The following BPIFB2 variants were observed in gnomAD, a reference collection of about 807,000 sequenced individuals.
BPIFB2 encodes BPI fold-containing family B member 2.
In BPIFB2, 39 loss-of-function variants were observed where a neutral mutation model predicts 50.1. The observed-to-expected ratio is 0.78, with a 90% CI of 0.60 to 1.02. The LOEUF (loss-of-function observed/expected upper bound fraction) is 1.02. BPIFB2 is among the 50% of genes least tolerant of loss of function. The pLI is 0.00. For missense variants in BPIFB2, 574 were observed against 585.8 expected (o/e 0.98, Z 0.21); for synonymous variants, 280 against 256.3 (o/e 1.09, Z -0.88).
chr20:33,011,321 A>C (rs1990285195), intron 3 of BPIFB2, among the ~76,000 whole-genome samples: 1 of 152,222 alleles, frequency 6.6e-6, no homozygotes, highest in South Asian at 2.1e-4. Flanking sequence ...AGTGGTCACA[A>C]GATGATTTAA....
chr20:33,013,515 C>G (rs909537737), intron 4 of BPIFB2, among the ~76,000 whole-genome samples: 2 of 152,204 alleles, frequency 1.3e-5, no homozygotes, highest in South Asian at 4.1e-4. Flanking sequence ...GTCCATTTTA[C>G]AGAAGAGGAA....
At chr20:33,011,192 C>A in intron 3 of BPIFB2, 75 bp downstream of exon 3, 1 of 1,408,100 alleles carries the variant, frequency 7.1e-7, no homozygotes, top group South Asian at 1.2e-5. Flanking sequence ...GTGGGTGCTT[C>A]AGTCCACCGG....
intron 4 of BPIFB2, among the ~76,000 whole-genome samples, chr20:33,013,116 CAG>C (rs1568976737): frequency 1.3e-5 from 2 of 152,104 alleles, no homozygotes; most frequent in African/African-American, 4.8e-5. Flanking sequence ...TGCAACTGGG[CAG>C]AGTCACTTGG....
rs1223650010 is a variant in BPIFB2 at position 33,012,856 on chromosome 20, G to A, written c.257G>A (p.Gly86Asp). The stretch of plus-strand genomic sequence containing the variant: ...CGCCTCCACCTGAAATTCATTGCTG[G>A]TTTCGGAGTGCGCCTGCTGGCAGCA... ...VPRLHLKFIA[G>D]FGVRLLAAAN... Residue 86 changes from glycine (G) to aspartate (D), a missense_variant, in exon 4 of 16, where the codon GGT becomes GAT. By Grantham distance (94) the Gly-to-Asp change is moderately conservative. Transcript: ENST00000170150. 1.9e-6 allele frequency: 3 copies of A among 1,614,128 alleles called. No individual in the cohort carries two copies. In the Admixed American group the frequency reaches 5.0e-5, roughly 27 times the overall value.
At chr20:33,014,963 T>A (rs1302256061) in intron 5 of BPIFB2, among the ~76,000 whole-genome samples, 2 of 152,008 alleles carry the variant, frequency 1.3e-5, no homozygotes, top group African/African-American at 4.8e-5. Flanking sequence ...ATCAAGGAAC[T>A]ATAGGTGCCT....
chr20:33,020,109 C>T (rs376967142), intron 11 of BPIFB2, among the ~76,000 whole-genome samples: 3 of 152,240 alleles, frequency 2.0e-5, no homozygotes, highest in East Asian at 1.9e-4. Flanking sequence ...TGGTTACGGT[C>T]CCCCTCTCCC....
intron 2 of BPIFB2, 32 bp downstream of exon 2, chr20:33,008,715 G>A (rs1354129954): frequency 4.5e-6 from 7 of 1,541,540 alleles, no homozygotes; most frequent in Non-Finnish European, 5.3e-6. Flanking sequence ...GAGTGTCTGT[G>A]AGCCTGTACA....
intron 5 of BPIFB2, 126 bp from the exon 6 acceptor site, chr20:33,015,310 T>G: frequency 1.4e-6 from 1 of 725,858 alleles, no homozygotes; most frequent in South Asian, 2.2e-5. Context: ...TGGCAGGGCA[T>G]CGAATGGAAT....
chr20:33,015,301 G>A, intron 5 of BPIFB2, 135 bp from the exon 6 acceptor site: 1 of 678,426 alleles, frequency 1.5e-6, no homozygotes, highest in Non-Finnish European at 2.4e-6. Flanking sequence ...TCTGGCAGAT[G>A]GCAGGGCATC....
chr20:33,020,915 C>T (rs1367384191), intron 13 of BPIFB2, among the ~76,000 whole-genome samples: 1 of 152,162 alleles, frequency 6.6e-6, no homozygotes, highest in Non-Finnish European at 1.5e-5. Flanking sequence ...CATCAACATG[C>T]CCCCCTTCTA....
Position 33,023,489 on chromosome 20 carries a change from C to A in BPIFB2, c.*106C>A. 2 of 1,349,934 alleles carry A rather than the reference C, an allele frequency of 1.5e-6. No individual in the cohort carries two copies. Among genetic ancestry groups the A allele is most frequent in the Non-Finnish European group, 2.1e-6 (2 of 950,288 alleles). The allele number at this position is 1,349,934 out of a possible 1,614,324, so 83.6% of individuals were successfully genotyped here. ...AGGCAAAACCATACTTAGTCATCACCAACAAGCTGGACTGCTTAGCTGGGC... is the reference window on the plus strand; with the variant it reads ...AGGCAAAACCATACTTAGTCATCACAAACAAGCTGGACTGCTTAGCTGGGC... On this transcript the variant is annotated 3_prime_UTR_variant, in exon 16 of 16. Transcript: ENST00000170150.
At position 33,012,924 on chromosome 20, in the gene BPIFB2, G is replaced by T; in HGVS notation, c.308+17G>T. The stretch of plus-strand genomic sequence containing the variant: ...GGTCTTTCGGTGAGCGGATCTCCTT[G>T]TTAGGGGGTGAGAAGGGTTTTGGGG... On this transcript the variant is annotated intron_variant, in intron 4 of 15. Coordinates refer to ENST00000170150, the MANE Select transcript of BPIFB2 (RefSeq NM_025227.3). 1.3e-6 allele frequency: 2 copies of T among 1,591,428 alleles called. No individual in the cohort carries two copies. The highest frequency in any genetic ancestry group is 1.1e-5 in the South Asian group (1 of 90,520).
chr20:33,017,621 T>G (rs1409600605), intron 7 of BPIFB2, among the ~76,000 whole-genome samples: 3 of 152,190 alleles, frequency 2.0e-5, no homozygotes, highest in Non-Finnish European at 4.4e-5. Flanking sequence ...GAAGCTGGAC[T>G]TCTGTGATCT....
At chr20:33,019,032 A>G (rs745600360) in intron 9 of BPIFB2, 30 bp from the exon 10 acceptor site, 8 of 1,613,798 alleles carry the variant, frequency 5.0e-6, no homozygotes, top group Admixed American at 1.7e-5. Context: ...CTGTCCTAAA[A>G]CCTGTTGTGG....
Position 33,019,690 on chromosome 20 carries a change from C to A in BPIFB2, c.1020C>A (p.Phe340Leu), listed in dbSNP as rs758161311. 5.0e-6 allele frequency: 8 copies of A among 1,612,446 alleles called. No homozygotes were observed. Among genetic ancestry groups the A allele is most frequent in the Non-Finnish European group, 5.9e-6 (7 of 1,179,444 alleles). ...TNNATLRLQP[F>L]VEVLATASNS... ...ACGCCACCCTGCGGCTGCAGCCCTTCGTGGAGGTCCTGGCCACAGCCTCCA... is the reference window on the plus strand; with the variant it reads ...ACGCCACCCTGCGGCTGCAGCCCTTAGTGGAGGTCCTGGCCACAGCCTCCA... The change falls in exon 11 of 16, where the codon TTC (phenylalanine) becomes TTA (leucine). Residue 340 changes from phenylalanine (F) to leucine (L), a missense_variant. Physicochemically the swap from Phe to Leu is conservative, Grantham distance 22. Coordinates refer to ENST00000170150, the MANE Select transcript of BPIFB2 (RefSeq NM_025227.3).
chr20:33,017,824 AC>A (rs1192420072), intron 7 of BPIFB2, among the ~76,000 whole-genome samples: 11 of 152,264 alleles, frequency 7.2e-5, no homozygotes, highest in South Asian at 4.1e-4. Flanking sequence ...GTATAAAATA[AC>A]CCTACAGGAT....
In BPIFB2 at chr20:33,019,605, T is replaced by A. The variant is rs753808135; in HGVS notation, c.935T>A (p.Met312Lys). ...GTGGCCCGCCAGTTTCCCGAGCCCA[T>A]GCCTGTGGTGCTCAAGGTGCGGCTG... is the stretch of plus-strand genomic sequence containing the variant. ...PEVARQFPEP[M>K]PVVLKVRLGA... Residue 312 changes from methionine (M) to lysine (K), a missense_variant, in exon 11 of 16, where the codon ATG becomes AAG. Coordinates refer to ENST00000170150, the MANE Select transcript of BPIFB2 (RefSeq NM_025227.3). The A allele has an allele frequency of 3.7e-6, 6 of 1,605,142 alleles. No individual in the cohort carries two copies. The Admixed American group carries it at 5.0e-5, about 14-fold the overall frequency.
At chr20:33,019,915 G>T (rs1462644702) in intron 11 of BPIFB2, among the ~76,000 whole-genome samples, 165 bp downstream of exon 11, 1 of 152,194 alleles carries the variant, frequency 6.6e-6, no homozygotes, top group Non-Finnish European at 1.5e-5. Flanking sequence ...TGAGCCCTCG[G>T]CCTAGGACTC....
intron 3 of BPIFB2, 114 bp downstream of exon 3, chr20:33,011,231 C>T (rs1990283763): frequency 1.0e-6 from 1 of 970,944 alleles, no homozygotes; most frequent in South Asian, 1.5e-5. Context: ...TGGGCAGATG[C>T]TCCTATCCAC....
Sources: allele counts gnomAD v4.1 joint callset (sites outside exome capture counted in the v4.1 genomes callset), GRCh38; gene constraint gnomAD v4.1.1; transcripts MANE v1.5; gene names NCBI Gene and HGNC (gene_info 2026-07-23, HGNC 2026-07-21).